Variants in STARD9 observed in about 807,000 individuals in gnomAD.
STARD9 encodes stAR-related lipid transfer protein 9.
A neutral mutation model predicts 399.8 loss-of-function variants in STARD9; 346 were observed. The observed-to-expected ratio is 0.87, with a 90% confidence interval of 0.79 to 0.95. The LOEUF is 0.95. Ranked by LOEUF, STARD9 falls within the 40% of genes least tolerant of loss-of-function variation. The pLI is 0.00. For missense variants in STARD9, 5,832 were observed against 5,667.5 expected, an observed-to-expected ratio of 1.03 and a Z score of -0.93; for synonymous variants, 2,203 against 2,143.5, an observed-to-expected ratio of 1.03 and a Z score of -0.77.
Position 42,689,555 on chromosome 15 carries a change from A to G in STARD9, c.7977A>G (p.Pro2659=), listed in dbSNP as rs1595780059. Residue 2659 remains proline, a synonymous_variant, in exon 23 of 33, where the codon CCA becomes CCG. Transcript: ENST00000290607. The part of the protein sequence containing the change: ...SLPNTETDRE[P]WDPVQAFSHA... ...CCAATACGGAAACTGACAGAGAGCC[A>G]TGGGATCCTGTGCAGGCTTTCTCCC... 15 of 1,537,224 alleles carry G rather than the reference A, an allele frequency of 9.8e-6. No homozygotes were observed. Among genetic ancestry groups the G allele is most frequent in the Non-Finnish European group, 1.2e-5 (14 of 1,146,948 alleles).
At chr15:42,620,223 A>G (rs1036723411) in intron 3 of STARD9, among the ~76,000 whole-genome samples, 5 of 152,168 alleles carry the variant, frequency 3.3e-5, no homozygotes, top group South Asian at 2.1e-4. Flanking sequence ...GAGCATTGCA[A>G]CCTGGGAGCA....
chr15:42,592,786 G>A (rs1459997779), intron 3 of STARD9, among the ~76,000 whole-genome samples: 3 of 152,140 alleles, frequency 2.0e-5, no homozygotes, highest in Non-Finnish European at 2.9e-5. Context: ...TCTAAATGCT[G>A]TTTTCAGTAT....
Position 42,685,337 on chromosome 15 carries a change from G to T in STARD9, c.3759G>T (p.Arg1253Ser), listed in dbSNP as rs2060525258. 1 of 1,537,336 alleles carries T rather than the reference G, an allele frequency of 6.5e-7. No homozygotes were observed. Among genetic ancestry groups the T allele is most frequent in the Non-Finnish European group, 8.7e-7 (1 of 1,146,952 alleles). Reference sequence around the variant, plus strand: ...TAATGGACCAAGAGGCAATATGCAGGCTTGGTCCCATCAACTACAGAACAG... The same window carrying T: ...TAATGGACCAAGAGGCAATATGCAGTCTTGGTCCCATCAACTACAGAACAG... The part of the protein sequence containing the change: ...LPVMDQEAIC[R>S]LGPINYRTAA... Residue 1253 changes from arginine (R) to serine (S), a missense_variant, in exon 23 of 33, where the codon AGG becomes AGT. Physicochemically the swap from Arg to Ser is moderately radical, Grantham distance 110. Coordinates refer to ENST00000290607, the MANE Select transcript of STARD9 (RefSeq NM_020759.3).
Position 42,685,908 on chromosome 15 carries a change from T to C in STARD9, c.4330T>C (p.Cys1444Arg), listed in dbSNP as rs950157162. Residue 1444 changes from cysteine (C) to arginine (R), a missense_variant, in exon 23 of 33, where the codon TGT becomes CGT. Transcript: ENST00000290607. ...AGCTGATGGCACCTTTCAGGGCAGA[T>C]GTATCCCTGACATGACCCAGCAGGG... The part of the protein sequence containing the change: ...PGADGTFQGR[C>R]IPDMTQQGSS... 2.0e-6 allele frequency: 3 copies of C among 1,537,160 alleles called. No homozygotes were observed. In the Admixed American group the frequency reaches 5.9e-5, roughly 30 times the overall value.
chr15:42,711,830 G>A (rs4923951), intron 26 of STARD9, among the ~76,000 whole-genome samples: 2,929 of 150,240 alleles, frequency 0.019, 198 homozygotes, highest in East Asian at 0.12. Context: ...ATTTCTCTTG[G>A]GTATGTATCT....
rs748857646 is a variant in STARD9, at chr15:42,674,960, T to C, written c.1683T>C (p.Thr561=). The change falls in exon 18 of 33, where the codon ACT becomes ACC. Residue 561 remains threonine (T), a synonymous_variant. Coordinates refer to ENST00000290607, the MANE Select transcript of STARD9 (RefSeq NM_020759.3). ...AGGTCACTGCCTCCTGCCGTCTGAC[T>C]CAAGGTAGGACTGTCTGTAGCCCTG... ...GREVTASCRL[T]QGAVITLGKA... The C allele has an allele frequency of 2.6e-6, 4 of 1,533,246 alleles. No individual in the cohort carries two copies. The South Asian group carries it at 3.6e-5, about 14-fold the overall frequency. The allele number at this position is 1,533,246 out of a possible 1,614,324, so 95.0% of individuals were successfully genotyped here. A position where few individuals can be genotyped will look rare whatever the true frequency, so the allele number is the denominator to read the frequency against.
rs552485294 is a variant in STARD9 at position 42,690,404 on chromosome 15, G to A, written c.8826G>A (p.Pro2942=). Residue 2942 remains proline, a synonymous_variant, in exon 23 of 33, where the codon CCG becomes CCA. Coordinates refer to ENST00000290607, the MANE Select transcript of STARD9 (RefSeq NM_020759.3). ...RNPEGSRTLS[P]SRGKESRTLP... is the part of the protein sequence containing the mutation. ...CTGAAGGCAGCAGGACTCTCAGCCC[G>A]TCTAGAGGGAAAGAGAGCAGAACTC... is the stretch of plus-strand genomic sequence containing the variant. 1.2e-3 allele frequency: 1,820 copies of A among 1,537,244 alleles called. 26 individuals are homozygous for A. The South Asian group carries it at 0.016, about 14-fold the overall frequency.
chr15:42,648,997 A>G (rs2059702062), intron 7 of STARD9, among the ~76,000 whole-genome samples: 2 of 151,952 alleles, frequency 1.3e-5, no homozygotes, highest in South Asian at 2.1e-4. Context: ...TCAGCCTCCC[A>G]AGTAGCTGAG....
chr15:42,689,504 G>C lies in STARD9; in HGVS notation c.7926G>C (p.Leu2642=). The C allele has an allele frequency of 2.0e-6, 3 of 1,537,294 alleles. No individual in the cohort carries two copies. The highest frequency in any genetic ancestry group is 2.6e-6 in the Non-Finnish European group (3 of 1,146,920). The change falls in exon 23 of 33, where the codon CTG becomes CTC. Residue 2642 remains leucine (L), a synonymous_variant. Coordinates refer to ENST00000290607, the MANE Select transcript of STARD9 (RefSeq NM_020759.3). ...PDERKVQATS[L]SADSFESLPN... ...AGAGGAAAGTCCAGGCCACATCTCT[G>C]TCTGCAGACAGCTTTGAATCTCTGC...
At chr15:42,659,887 C>T (rs569457369) in intron 9 of STARD9, among the ~76,000 whole-genome samples, 1 of 152,192 alleles carries the variant, frequency 6.6e-6, no homozygotes, top group African/African-American at 2.4e-5. Context: ...GGTGTTTATC[C>T]AAGAGCAATG....
At chr15:42,637,245 C>T (rs1272923893) in intron 4 of STARD9, among the ~76,000 whole-genome samples, 1 of 152,058 alleles carries the variant, frequency 6.6e-6, no homozygotes, top group Non-Finnish European at 1.5e-5. Context: ...TGGGGTCTCA[C>T]TCTGTTACCC....
At chr15:42,719,443 C>T in intron 32 of STARD9, 30 bp from the exon 33 acceptor site, 1 of 1,420,668 alleles carries the variant, frequency 7.0e-7, no homozygotes. Context: ...AATCTATTTG[C>T]ACCTTAAATT....
intron 7 of STARD9, among the ~76,000 whole-genome samples, chr15:42,646,690 G>A (rs1380626902): frequency 2.0e-5 from 3 of 152,144 alleles, no homozygotes; most frequent in Non-Finnish European, 4.4e-5. Context: ...TTTTCTTATC[G>A]TTCATGTGTT....
chr15:42,598,004 G>A (rs1237682079), intron 3 of STARD9, among the ~76,000 whole-genome samples: 16 of 129,964 alleles, frequency 1.2e-4, no homozygotes, highest in African/African-American at 4.2e-4. Context: ...ATATATATGT[G>A]TGTGTGTGTG....
chr15:42,662,069 T>G (rs2060003818), intron 10 of STARD9, among the ~76,000 whole-genome samples: 1 of 152,212 alleles, frequency 6.6e-6, no homozygotes, highest in Non-Finnish European at 1.5e-5. Flanking sequence ...GAGGATCACT[T>G]GAGCCCAGGA....
At chr15:42,661,301 T>G in intron 10 of STARD9, 76 bp downstream of exon 10, 1 of 1,014,046 alleles carries the variant, frequency 9.9e-7, no homozygotes, top group South Asian at 1.4e-5. Flanking sequence ...GTTCCAATCT[T>G]TTTCACATTT....
At chr15:42,665,994 C>T (rs756495934) in intron 15 of STARD9, 146 bp downstream of exon 15, 64 of 706,890 alleles carry the variant, frequency 9.1e-5, no homozygotes, top group Non-Finnish European at 1.3e-4. Flanking sequence ...AAGCCTTGAC[C>T]GGGGGATGTG....
chr15:42,596,524 C>T (rs1362009738), intron 3 of STARD9, among the ~76,000 whole-genome samples: 4 of 152,088 alleles, frequency 2.6e-5, no homozygotes, highest in African/African-American at 9.7e-5. Flanking sequence ...GTATGTCCAC[C>T]ACAGTAGACA....
chr15:42,630,000 C>CTTTTTTTTTT (rs1158967224), intron 3 of STARD9: 94 of 124,326 alleles, frequency 7.6e-4, no homozygotes, highest in Middle Eastern at 4.4e-3. Context: ...TCTTTTTTTT[C>CTTTTTTTTTT]TTTTTTTTTT....
Sources: gnomAD v4.1 joint callset for allele counts (sites outside exome capture counted in the v4.1 genomes callset) on GRCh38, gnomAD v4.1.1 for gene constraint, MANE v1.5 for transcripts, NCBI Gene and HGNC (gene_info 2026-07-23, HGNC 2026-07-21) for gene names.